PCDHA4: variants seen among roughly 807,000 people sequenced by gnomAD.
PCDHA4 encodes the protein protocadherin alpha 4.
PCDHA4 carries 49 observed loss-of-function variants against 61.4 expected under a neutral mutation model. The ratio of observed to expected loss-of-function variants is 0.80; its 90% confidence interval spans 0.63 to 1.01. The LOEUF is 1.01. PCDHA4 is among the 50% of genes least tolerant of loss of function. PCDHA4 has a pLI of 0.00. For synonymous variants in PCDHA4, 590 were observed against 550.3 expected (o/e 1.07, Z -1.01); for missense variants, 1,254 against 1,235.8 (o/e 1.01, Z -0.22).
At chr5:140,929,322 C>T in intron 1 of PCDHA4, 1 of 1,540,684 alleles carries the variant, frequency 6.5e-7, no homozygotes, top group Non-Finnish European at 8.8e-7. Context: ...ATGTCAATGC[C>T]ATGGTAAGCA....
chr5:141,008,594 C>A (rs1018305560), intron 3 of PCDHA4, among the ~76,000 whole-genome samples: 1 of 152,214 alleles, frequency 6.6e-6, no homozygotes, highest in African/African-American at 2.4e-5. Context: ...GCAGATTTCA[C>A]CTCCTCTGGA....
At chr5:140,979,354 A>G (rs1205411040) in intron 2 of PCDHA4, among the ~76,000 whole-genome samples, 1 of 151,576 alleles carries the variant, frequency 6.6e-6, no homozygotes. Context: ...ATTAATACTC[A>G]TGCTTTGAGA....
chr5:140,962,554 C>T lies in PCDHA4; in HGVS notation c.2386-16395C>T, dbSNP rs567554880. ...TTAGAACTAAAAATGTAGAGGATCTCCCCCTAAAAGCCAATTGTTAATGCC... is the reference window on the plus strand; with the variant it reads ...TTAGAACTAAAAATGTAGAGGATCTTCCCCTAAAAGCCAATTGTTAATGCC... On this transcript the variant is annotated intron_variant, in intron 1 of 3. Transcript: ENST00000530339. 3.9e-5 allele frequency among the ~76,000 whole-genome samples: 6 copies of T among 152,284 alleles called. No individual in the cohort carries two copies. The South Asian group carries it at 1.2e-3, about 32-fold the overall frequency.
chr5:140,848,720 G>A, intron 1 of PCDHA4: 1 of 1,592,556 alleles, frequency 6.3e-7, no homozygotes, highest in Non-Finnish European at 8.6e-7. Flanking sequence ...GGGACCTTCT[G>A]GAGGTAAATC....
At chr5:140,903,416 T>A (rs2070284951) in intron 1 of PCDHA4, among the ~76,000 whole-genome samples, 1 of 152,184 alleles carries the variant, frequency 6.6e-6, no homozygotes, top group Admixed American at 6.5e-5. Flanking sequence ...TCAGGAAAAA[T>A]TCAGCACAAT....
intron 1 of PCDHA4, chr5:140,875,272 A>G: frequency 1.6e-6 from 2 of 1,265,056 alleles, no homozygotes; most frequent in Non-Finnish European, 2.1e-6. Context: ...CTCTACACTC[A>G]GAAGGTGAAA....
At position 140,856,169 on chromosome 5, in the gene PCDHA4, G is replaced by T. The variant is rs200441286; in HGVS notation, c.2385+46597G>T. ...CTCAGTCTACGAGGAGGCCAGACACGGCACCTTCGTGGGCCGCATCGCGCA... is the reference window on the plus strand; with the variant it reads ...CTCAGTCTACGAGGAGGCCAGACACTGCACCTTCGTGGGCCGCATCGCGCA... On this transcript the variant is annotated intron_variant, in intron 1 of 3. Transcript: ENST00000530339. 11 of 1,598,346 alleles carry T rather than the reference G, an allele frequency of 6.9e-6. 2 individuals are homozygous for T. Among genetic ancestry groups the T allele is most frequent in the Admixed American group, 1.7e-5 (1 of 59,282 alleles).
intron 1 of PCDHA4, among the ~76,000 whole-genome samples, chr5:140,923,820 CG>C (rs1297703305): frequency 6.6e-6 from 1 of 152,106 alleles, no homozygotes; most frequent in Non-Finnish European, 1.5e-5. Flanking sequence ...TGAAAATAGA[CG>C]TCAGTGGCAG....
At chr5:140,977,306 C>G (rs995052680) in intron 1 of PCDHA4, among the ~76,000 whole-genome samples, 22 of 152,268 alleles carry the variant, frequency 1.4e-4, no homozygotes, top group African/African-American at 4.8e-4. Context: ...GACAAGCTAA[C>G]GATAGTGCTC....
chr5:140,827,867 C>G (rs1298214398), intron 1 of PCDHA4: 3 of 615,732 alleles, frequency 4.9e-6, no homozygotes, highest in Non-Finnish European at 8.5e-6. Flanking sequence ...TATGGTATAG[C>G]ACTGTTACGT....
At position 140,998,569 on chromosome 5, in the gene PCDHA4, G is replaced by GTTT. The variant is rs71574497; in HGVS notation, c.2534-11048_2534-11046dup. ...TTAATGTCTAATTTATTGTAAATAA[G>GTTT]TTTTTTTTTTTTGAGACAGAGTTTT... On this transcript the variant is annotated intron_variant, in intron 3 of 3. Transcript: ENST00000530339. Among the ~76,000 whole-genome samples, 105 of 149,398 alleles carry GTTT rather than the reference G, an allele frequency of 7.0e-4. 1 individual carries two copies. Among genetic ancestry groups the GTTT allele is most frequent in the Middle Eastern group, 3.4e-3 (1 of 292 alleles).
intron 1 of PCDHA4, chr5:140,829,818 C>T: frequency 1.2e-6 from 2 of 1,613,864 alleles, no homozygotes; most frequent in Non-Finnish European, 1.7e-6. Flanking sequence ...ACTGGTGGTG[C>T]AGTGAGCGAG....
intron 1 of PCDHA4, among the ~76,000 whole-genome samples, chr5:140,886,185 G>A (rs2060887176): frequency 6.6e-6 from 1 of 152,072 alleles, no homozygotes; most frequent in African/African-American, 2.4e-5. Context: ...CCTAATGCTG[G>A]CAAGCAGTAA....
At chr5:140,882,088 T>G (rs1334008975) in intron 1 of PCDHA4, 3 of 1,087,274 alleles carry the variant, frequency 2.8e-6, no homozygotes, top group African/African-American at 1.6e-5. Flanking sequence ...CGCTCTTCAC[T>G]GAGAACGTTT....
intron 3 of PCDHA4, among the ~76,000 whole-genome samples, chr5:141,004,566 T>C (rs2098171206): frequency 6.6e-6 from 1 of 152,186 alleles, no homozygotes; most frequent in Non-Finnish European, 1.5e-5. Context: ...GATGAACATA[T>C]CTCTGTGTTC....
In PCDHA4 at chr5:140,936,771, C is replaced by A. The variant is rs182480245; in HGVS notation, c.2386-42178C>A. Among the ~76,000 whole-genome samples, 20 of 152,230 alleles carry A rather than the reference C, an allele frequency of 1.3e-4. No individual in the cohort carries two copies. In the East Asian group the frequency reaches 3.5e-3, roughly 26 times the overall value. On this transcript the variant is annotated intron_variant, in intron 1 of 3. Coordinates refer to ENST00000530339, the MANE Select transcript of PCDHA4 (RefSeq NM_018907.4). ...GTATTGATATCTAATTGTGTAAGTT[C>A]TCTCACTTTGTTATTCTGCTTCAAG...
At chr5:141,005,632 G>C (rs2098225457) in intron 3 of PCDHA4, among the ~76,000 whole-genome samples, 2 of 148,162 alleles carry the variant, frequency 1.3e-5, no homozygotes, top group Non-Finnish European at 3.0e-5. Context: ...AACCCGGGAG[G>C]CGGAGCTTGC....
chr5:140,839,078 C>T (rs1776029855), intron 1 of PCDHA4, among the ~76,000 whole-genome samples: 1 of 151,898 alleles, frequency 6.6e-6, no homozygotes, highest in African/African-American at 2.4e-5. Flanking sequence ...AAGTCAAAAA[C>T]CTGTCTGATA....
chr5:140,916,437 C>T lies in PCDHA4; in HGVS notation c.2386-62512C>T, dbSNP rs77605255. Among the ~76,000 whole-genome samples the T allele has an allele frequency of 8.0e-3, 1,220 of 152,340 alleles. 6 individuals are homozygous for T. The highest frequency in any genetic ancestry group is 0.019 in the African/African-American group (786 of 41,586). Reference sequence around the variant, plus strand: ...AGCACATCTCAGAACCTAAGGCCCACAGTATACTACCTGGATATCACTGCT... The same window carrying T: ...AGCACATCTCAGAACCTAAGGCCCATAGTATACTACCTGGATATCACTGCT... On this transcript the variant is annotated intron_variant, in intron 1 of 3. Coordinates refer to ENST00000530339, the MANE Select transcript of PCDHA4 (RefSeq NM_018907.4).
Sources: gnomAD v4.1 joint callset for allele counts (sites outside exome capture counted in the v4.1 genomes callset) on GRCh38, gnomAD v4.1.1 for gene constraint, MANE v1.5 for transcripts, NCBI Gene and HGNC (gene_info 2026-07-23, HGNC 2026-07-21) for gene names.